ZNF431: variants seen among roughly 807,000 people sequenced by gnomAD.
ZNF431 encodes the protein zinc finger protein 431.
In ZNF431, 34 loss-of-function variants were observed where a neutral mutation model predicts 57.0. The ratio of observed to expected loss-of-function variants is 0.60; its 90% CI spans 0.45 to 0.79. The LOEUF is 0.79. ZNF431 is among the 30% of genes least tolerant of loss of function. The pLI, the probability that ZNF431 is intolerant of heterozygous loss-of-function variation, is 0.00. For synonymous variants in ZNF431, 207 were observed against 220.3 expected (o/e 0.94, Z 0.54); for missense variants, 607 against 667.1 (o/e 0.91, Z 0.99).
intron 2 of ZNF431, among the ~76,000 whole-genome samples, chr19:21,163,287 C>T (rs1229143255): frequency 5.9e-5 from 9 of 152,098 alleles, no homozygotes; most frequent in Admixed American, 2.6e-4. Flanking sequence ...GCAAAGAATA[C>T]GAAACGTTTG....
chr19:21,173,301 G>A (rs1346481526), intron 4 of ZNF431, among the ~76,000 whole-genome samples: 2 of 147,028 alleles, frequency 1.4e-5, no homozygotes, highest in East Asian at 1.9e-4. Context: ...ATATAGCTTC[G>A]TAAGAGTGGG....
In ZNF431 at chr19:21,185,206, A is replaced by G. The variant is rs1971335101; in HGVS notation, c.*1172A>G. ...TACTAAATCAGAGTGCTAAGTATAG[A>G]AAATCTGAAACTAAAGTTGGTAGAA... On this transcript the variant is annotated 3_prime_UTR_variant, in exon 5 of 5. Coordinates refer to ENST00000311048, the MANE Select transcript of ZNF431 (RefSeq NM_133473.4). 1 of 152,232 alleles carries G rather than the reference A, an allele frequency of 6.6e-6. No homozygotes were observed. Among genetic ancestry groups the G allele is most frequent in the Non-Finnish European group, 1.5e-5 (1 of 68,038 alleles). 9.4% of individuals were successfully genotyped at this position (152,232 alleles called of 1,614,324 possible). A position where few individuals can be genotyped will look rare whatever the true frequency, so the allele number is the denominator to read the frequency against.
chr19:21,176,475 T>A (rs529142833), intron 4 of ZNF431, among the ~76,000 whole-genome samples: 1 of 151,914 alleles, frequency 6.6e-6, no homozygotes, highest in African/African-American at 2.4e-5. Flanking sequence ...ACTCCCAGTC[T>A]CAGGTGATCC....
rs375808516 is a variant in ZNF431, at chr19:21,167,239, C to A, written c.224-332C>A. 2.6e-5 allele frequency among the ~76,000 whole-genome samples: 4 copies of A among 151,872 alleles called. No individual in the cohort carries two copies. The East Asian group carries it at 5.8e-4, about 22-fold the overall frequency. On this transcript the variant is annotated intron_variant, in intron 3 of 4. Coordinates refer to ENST00000311048, the MANE Select transcript of ZNF431 (RefSeq NM_133473.4). ...TGCAATGCACTATCTTGGCTCACTGCCACCTCCGCCTCCCGGGTCCAAGCA... is the reference window on the plus strand; with the variant it reads ...TGCAATGCACTATCTTGGCTCACTGACACCTCCGCCTCCCGGGTCCAAGCA...
chr19:21,164,356 G>T (rs1970659721), intron 2 of ZNF431, among the ~76,000 whole-genome samples: 1 of 152,144 alleles, frequency 6.6e-6, no homozygotes, highest in African/African-American at 2.4e-5. Flanking sequence ...ATTTGCTGGT[G>T]TCTGTGGCAG....
Position 21,182,753 on chromosome 19 carries a change from T to C in ZNF431, c.450T>C (p.Ser150=), listed in dbSNP as rs752482293. 1.9e-5 allele frequency: 30 copies of C among 1,613,834 alleles called. No individual in the cohort carries two copies. The highest frequency in any genetic ancestry group is 6.7e-5 in the Admixed American group (4 of 59,976). Residue 150 remains serine, a synonymous_variant, in exon 5 of 5, where the codon AGT becomes AGC. Coordinates refer to ENST00000311048, the MANE Select transcript of ZNF431 (RefSeq NM_133473.4). ...ENLQLRKGSA[S]VDEYKVHKEG... is the part of the protein sequence containing the mutation. ...TACAGTTAAGAAAAGGCTCCGCAAG[T>C]GTAGATGAGTATAAGGTGCACAAAG... is the stretch of plus-strand genomic sequence containing the variant.
At chr19:21,154,589 C>A (rs970973421) in intron 2 of ZNF431, among the ~76,000 whole-genome samples, 1 of 152,104 alleles carries the variant, frequency 6.6e-6, no homozygotes, top group Admixed American at 6.5e-5. Flanking sequence ...CCTGAGGAAT[C>A]GCCACACTGA....
chr19:21,182,458 G>A (rs1971232546), intron 4 of ZNF431, among the ~76,000 whole-genome samples, 165 bp from the exon 5 acceptor site: 1 of 152,090 alleles, frequency 6.6e-6, no homozygotes, highest in Non-Finnish European at 1.5e-5. Flanking sequence ...ATATATTTTG[G>A]TCAGTATATT....
Position 21,186,450 on chromosome 19 carries a change from G to A in ZNF431, c.*2416G>A, listed in dbSNP as rs1472519987. The stretch of plus-strand genomic sequence containing the variant: ...GAAAATTATGGAGTTAAGTATGTGT[G>A]TGTGAGTATGAGTTTGTACATATTT... On this transcript the variant is annotated 3_prime_UTR_variant, in exon 5 of 5. Coordinates refer to ENST00000311048, the MANE Select transcript of ZNF431 (RefSeq NM_133473.4). 1 of 152,206 alleles carries A rather than the reference G, an allele frequency of 6.6e-6. No individual in the cohort carries two copies. The highest frequency in any genetic ancestry group is 1.9e-4 in the East Asian group (1 of 5,204). The allele number at this position is 152,206 out of a possible 1,614,324, so 9.4% of individuals were successfully genotyped here. A position where few individuals can be genotyped will look rare whatever the true frequency, so the allele number is the denominator to read the frequency against.
At chr19:21,160,256 A>T (rs767781443) in intron 2 of ZNF431, among the ~76,000 whole-genome samples, 2 of 152,134 alleles carry the variant, frequency 1.3e-5, no homozygotes, top group Non-Finnish European at 2.9e-5. Flanking sequence ...CGCTTTGAGA[A>T]TGTGGCTTTT....
At position 21,172,771 on chromosome 19, in the gene ZNF431, T is replaced by C. The variant is rs991563040; in HGVS notation, c.319+5105T>C. Among the ~76,000 whole-genome samples the C allele has an allele frequency of 2.0e-5, 3 of 152,334 alleles. No homozygotes were observed. The South Asian group carries it at 6.2e-4, about 32-fold the overall frequency. ...CATAATTGTGCCGCTGCACTTTAGC[T>C]TGGGTGACAAAGTGGACCCTGTCTT... On this transcript the variant is annotated intron_variant, in intron 4 of 4. Transcript: ENST00000311048.
At chr19:21,167,546 A>G (rs1181067441) in intron 3 of ZNF431, 25 bp from the exon 4 acceptor site, 2 of 1,497,802 alleles carry the variant, frequency 1.3e-6, no homozygotes, top group Non-Finnish European at 1.8e-6. Context: ...GGCAAGATTC[A>G]TGTTATTTAT....
At chr19:21,143,452 G>T in intron 1 of ZNF431, 99 bp from the exon 2 acceptor site, 1 of 934,332 alleles carries the variant, frequency 1.1e-6, no homozygotes, top group Non-Finnish European at 1.7e-6. Flanking sequence ...TCTGGTCGTG[G>T]GTTTCAGTGC....
Position 21,192,852 on chromosome 19 carries a change from C to T in ZNF431, c.*8818C>T, listed in dbSNP as rs1971534396. Reference sequence around the variant, plus strand: ...GTGCATCCATTTTTTTCTCTTTGCACTCTGCATATATTTAAGTTTTAGAGA... The same window carrying T: ...GTGCATCCATTTTTTTCTCTTTGCATTCTGCATATATTTAAGTTTTAGAGA... On this transcript the variant is annotated 3_prime_UTR_variant, in exon 5 of 5. Transcript: ENST00000311048. The T allele has an allele frequency of 6.6e-6, 1 of 152,082 alleles. No individual in the cohort carries two copies. Among genetic ancestry groups the T allele is most frequent in the East Asian group, 1.9e-4 (1 of 5,186 alleles). 9.4% of individuals were successfully genotyped at this position (152,082 alleles called of 1,614,324 possible).
chr19:21,148,556 GTTTTA>G (rs1477146013), intron 2 of ZNF431, among the ~76,000 whole-genome samples: 1 of 152,088 alleles, frequency 6.6e-6, no homozygotes, highest in Non-Finnish European at 1.5e-5. Flanking sequence ...TAAACCTTCA[GTTTTA>G]TTCTATCTAA....
At chr19:21,144,473 G>A (rs1970028455) in intron 2 of ZNF431, among the ~76,000 whole-genome samples, 1 of 151,964 alleles carries the variant, frequency 6.6e-6, no homozygotes, top group African/African-American at 2.4e-5. Flanking sequence ...TAAAGTGCTG[G>A]GATTGCAGGC....
chr19:21,145,203 C>T lies in ZNF431; in HGVS notation c.96+1560C>T, dbSNP rs73539739. ...GGAGGTTATGAAAGGCCCACCTATG[C>T]GGTGGCTCATGCCTGTAATCCCAGC... On this transcript the variant is annotated intron_variant, in intron 2 of 4. Transcript: ENST00000311048. Among the ~76,000 whole-genome samples the T allele has an allele frequency of 6.8e-3, 1,041 of 152,254 alleles. 17 individuals carry two copies. Among genetic ancestry groups the T allele is most frequent in the African/African-American group, 0.023 (970 of 41,532 alleles).
chr19:21,162,546 C>CT (rs1405827385), intron 2 of ZNF431, among the ~76,000 whole-genome samples: 1 of 152,016 alleles, frequency 6.6e-6, no homozygotes, highest in Non-Finnish European at 1.5e-5. Context: ...CCTCAGGCGA[C>CT]TTACCCACCT....
chr19:21,145,638 T>C (rs1051895860), intron 2 of ZNF431, among the ~76,000 whole-genome samples: 4 of 152,116 alleles, frequency 2.6e-5, no homozygotes, highest in Non-Finnish European at 5.9e-5. Flanking sequence ...AGGATTAAGA[T>C]GAAAGGGGAC....
Sources: allele counts gnomAD v4.1 joint callset (sites outside exome capture counted in the v4.1 genomes callset), GRCh38; gene constraint gnomAD v4.1.1; transcripts MANE v1.5; gene names NCBI Gene and HGNC (gene_info 2026-07-23, HGNC 2026-07-21).